Variants in NEB observed in about 807,000 individuals in gnomAD.
The protein encoded by NEB is nebulin.
NEB carries 512 observed loss-of-function variants against 952.2 expected under a neutral mutation model. The ratio of observed to expected loss-of-function variants is 0.54; its 90% CI spans 0.50 to 0.58. NEB has a LOEUF of 0.58. Among genes scored for constraint, NEB ranks in the 20% least tolerant of loss-of-function variants. NEB has a pLI of 0.00. For synonymous variants in NEB, 2,900 were observed against 3,149.8 expected (o/e 0.92, Z 2.66); for missense variants, 8,428 against 9,231.1 (o/e 0.91, Z 3.56).
At chr2:151,496,566 C>G (rs1160658200) in intron 172 of NEB, among the ~76,000 whole-genome samples, 198 bp from the exon 173 acceptor site, 1 of 152,170 alleles carries the variant, frequency 6.6e-6, no homozygotes, top group East Asian at 1.9e-4. Flanking sequence ...TCTAGAGAAG[C>G]AGGGACCTCA....
At chr2:151,519,618 AT>A in intron 154 of NEB, 39 bp downstream of exon 154, 1 of 1,434,492 alleles carries the variant, frequency 7.0e-7, no homozygotes, top group Non-Finnish European at 9.8e-7. Context: ...AAAATGGCAA[AT>A]ACCATGTTAT....
intron 60 of NEB, 123 bp downstream of exon 60, chr2:151,642,451 C>G (rs542377970): frequency 1.3e-6 from 1 of 798,308 alleles, no homozygotes; most frequent in Admixed American, 2.9e-5. Flanking sequence ...AACCATTCAT[C>G]GAAACAATAA....
chr2:151,555,056 A>G lies in NEB; in HGVS notation c.19315-12T>C, dbSNP rs758881724. ...TCCCGATATTTGATCTATAGAGAATAAGTAGAAAGGAAGAAACAGTTTTAG... is the reference window on the plus strand; with the variant it reads ...TCCCGATATTTGATCTATAGAGAATGAGTAGAAAGGAAGAAACAGTTTTAG... On this transcript the variant is annotated splice_polypyrimidine_tract_variant and intron_variant, in intron 124 of 181. Transcript: ENST00000397345. 13 of 1,519,972 alleles carry G rather than the reference A, an allele frequency of 8.6e-6. No homozygotes were observed. The highest frequency in any genetic ancestry group is 1.7e-5 in the Admixed American group (1 of 59,790). 94.2% of individuals were successfully genotyped at this position (1,519,972 alleles called of 1,614,324 possible). A position where few individuals can be genotyped will look rare whatever the true frequency, so the allele number is the denominator to read the frequency against.
At chr2:151,574,561 C>A (rs1318262327) in intron 107 of NEB, among the ~76,000 whole-genome samples, 1 of 151,960 alleles carries the variant, frequency 6.6e-6, no homozygotes, top group Non-Finnish European at 1.5e-5. Flanking sequence ...ATAAAATGAG[C>A]CTTTTCTTCT....
intron 51 of NEB, among the ~76,000 whole-genome samples, chr2:151,654,806 A>G (rs1383458860): frequency 1.3e-5 from 2 of 152,220 alleles, no homozygotes; most frequent in Admixed American, 1.3e-4. Flanking sequence ...CAAAAATGGC[A>G]AAGCCAAAAC....
intron 51 of NEB, among the ~76,000 whole-genome samples, chr2:151,654,576 T>C (rs2099066555): frequency 6.6e-6 from 1 of 152,228 alleles, no homozygotes; most frequent in Non-Finnish European, 1.5e-5. Flanking sequence ...ACTTTACTGA[T>C]TGAATGGATG....
intron 10 of NEB, among the ~76,000 whole-genome samples, chr2:151,711,607 C>T (rs974924788): frequency 6.6e-6 from 1 of 152,034 alleles, no homozygotes; most frequent in South Asian, 2.1e-4. Flanking sequence ...ATTTTAGAGT[C>T]CTGGGCCTGG....
chr2:151,495,618 G>A (rs893436180), intron 173 of NEB, among the ~76,000 whole-genome samples: 2 of 152,162 alleles, frequency 1.3e-5, no homozygotes, highest in East Asian at 3.9e-4. Context: ...CAAGCTTACG[G>A]GAAATGGTTT....
chr2:151,661,058 G>A (rs935437546), intron 46 of NEB, among the ~76,000 whole-genome samples: 2 of 152,048 alleles, frequency 1.3e-5, no homozygotes, highest in Non-Finnish European at 2.9e-5. Context: ...TCCAGACCCT[G>A]CTGTTGACCC....
chr2:151,547,981 A>G (rs552146632), intron 131 of NEB, among the ~76,000 whole-genome samples: 3 of 152,322 alleles, frequency 2.0e-5, no homozygotes, highest in East Asian at 1.9e-4. Flanking sequence ...ATGCAAACCA[A>G]TAGTTGGTGT....
chr2:151,682,519 C>A, intron 29 of NEB, 143 bp downstream of exon 29: 2 of 655,946 alleles, frequency 3.0e-6, no homozygotes, highest in Non-Finnish European at 5.3e-6. Flanking sequence ...GCTGGTCTCC[C>A]TGGGTAATTT....
chr2:151,541,589 C>G (rs1248217546), intron 135 of NEB, 38 bp from the exon 136 acceptor site: 2 of 1,525,632 alleles, frequency 1.3e-6, no homozygotes, highest in Admixed American at 3.3e-5. Flanking sequence ...ATTTCTGTTT[C>G]ATGGGCATGT....
intron 12 of NEB, among the ~76,000 whole-genome samples, chr2:151,708,479 C>A (rs1485208284): frequency 1.3e-5 from 2 of 152,068 alleles, no homozygotes; most frequent in Non-Finnish European, 2.9e-5. Context: ...CAACGCATTG[C>A]CCTCTCCTGA....
In NEB at chr2:151,713,262, C is replaced by A. The variant is rs189400576; in HGVS notation, c.823-2724G>T. 1.8e-3 allele frequency among the ~76,000 whole-genome samples: 277 copies of A among 152,296 alleles called. 1 individual carries two copies. Among genetic ancestry groups the A allele is most frequent in the African/African-American group, 6.5e-3 (271 of 41,568 alleles). On this transcript the variant is annotated intron_variant, in intron 10 of 181. Coordinates refer to ENST00000397345, the MANE Select transcript of NEB (RefSeq NM_001164508.2). ...AAAGGAATACAAAGCCAGTTAATTA[C>A]CCTTCTCTTTTTCTGTGAGGGGCTA...
At chr2:151,621,530 T>C (rs116458746) in intron 71 of NEB, among the ~76,000 whole-genome samples, 1,793 of 152,326 alleles carry the variant, frequency 0.012, 37 homozygotes, top group African/African-American at 0.037. Context: ...TTTCATCAAC[T>C]GCTGCAAGTT....
At chr2:151,560,957 G>C (rs750607570) in intron 123 of NEB, 47 bp downstream of exon 123, 6 of 1,168,142 alleles carry the variant, frequency 5.1e-6, no homozygotes, top group African/African-American at 1.5e-5. Flanking sequence ...TGTCCCAGAA[G>C]GGGGAAAGGT....
intron 8 of NEB, among the ~76,000 whole-genome samples, chr2:151,723,813 G>T (rs763594891): frequency 3.4e-4 from 42 of 123,800 alleles, no homozygotes; most frequent in Non-Finnish European, 5.5e-4. Flanking sequence ...GCACTTACAA[G>T]TGCTAACACA....
intron 150 of NEB, 129 bp downstream of exon 150, chr2:151,525,829 T>C: frequency 1.3e-6 from 1 of 785,756 alleles, no homozygotes; most frequent in East Asian, 2.4e-5. Flanking sequence ...GAGTTTAAGA[T>C]TCACATGTAG....
intron 134 of NEB, 142 bp downstream of exon 134, chr2:151,546,203 A>C (rs1349354992): frequency 2.8e-6 from 2 of 713,388 alleles, no homozygotes; most frequent in Non-Finnish European, 4.7e-6. Context: ...TTAAAGTGAT[A>C]ATCTGCTCAA....
Sources: allele counts gnomAD v4.1 joint callset (sites outside exome capture counted in the v4.1 genomes callset), GRCh38; gene constraint gnomAD v4.1.1; transcripts MANE v1.5; gene names NCBI Gene and HGNC (gene_info 2026-07-23, HGNC 2026-07-21).